KCNN1: variants seen among roughly 807,000 people sequenced by gnomAD.
KCNN1 encodes small conductance calcium-activated potassium channel protein 1.
Under a neutral mutation model 44.7 loss-of-function variants are expected in KCNN1, and 20 were observed. The observed-to-expected ratio is 0.45, with a 90% CI of 0.32 to 0.65. The LOEUF (loss-of-function observed/expected upper bound fraction) is 0.65. KCNN1 is among the 30% of genes least tolerant of loss of function. KCNN1 has a pLI of 0.05. For missense variants in KCNN1, 632 were observed against 785.3 expected (o/e 0.80, Z 2.33); for synonymous variants, 324 against 341.7 (o/e 0.95, Z 0.57).
chr19:17,982,283 C>A (rs2032445449), intron 4 of KCNN1, among the ~76,000 whole-genome samples, 156 bp downstream of exon 4: 1 of 151,964 alleles, frequency 6.6e-6, no homozygotes, highest in African/African-American at 2.4e-5. Context: ...CTCCTGTCTT[C>A]CAGTTTGTGG....
At chr19:17,986,576 G>A (rs1342983540) in intron 5 of KCNN1, among the ~76,000 whole-genome samples, 2 of 152,060 alleles carry the variant, frequency 1.3e-5, no homozygotes, top group African/African-American at 2.4e-5. Context: ...TTCAGTCATC[G>A]GGGTCCCTGT....
At chr19:17,962,693 A>G (rs2145906511), upstream of KCNN1, among the ~76,000 whole-genome samples, 1 of 149,588 alleles carries the variant, frequency 6.7e-6, no homozygotes. Context: ...GAGGGAGCCA[A>G]CACTCCAGAT....
intron 9 of KCNN1, among the ~76,000 whole-genome samples, chr19:17,994,530 CT>C (rs950199539): frequency 2.1e-4 from 31 of 147,098 alleles, no homozygotes; most frequent in East Asian, 2.0e-4. Flanking sequence ...TCATCTCCCA[CT>C]TTTTTTTTTA....
At chr19:17,959,313 CA>C (rs2031623887) in intron 2 of KCNN1, among the ~76,000 whole-genome samples, 2 of 152,064 alleles carry the variant, frequency 1.3e-5, no homozygotes, top group Non-Finnish European at 2.9e-5. Context: ...GGCTGGAATG[CA>C]ATGGTGCGTT....
At position 17,973,836 on chromosome 19, in the gene KCNN1, A is replaced by G; in HGVS notation, c.-53A>G. 6.5e-7 allele frequency: 1 copy of G among 1,536,840 alleles called. No individual in the cohort carries two copies. Among genetic ancestry groups the G allele is most frequent in the Non-Finnish European group, 8.7e-7 (1 of 1,144,622 alleles). On this transcript the variant is annotated 5_prime_UTR_variant, in exon 2 of 10. It removes an upstream start codon present in the reference 5' UTR. Transcript: ENST00000684775. The stretch of plus-strand genomic sequence containing the variant: ...AGTGCAGGAGCCCAGCCGCTGAGCC[A>G]TGCCGGGCCCCGGGCGGCCTGCAGC...
At position 17,993,376 on chromosome 19, in the gene KCNN1, C is replaced by A; in HGVS notation, c.1308-114C>A. The A allele has an allele frequency of 1.3e-6, 1 of 775,912 alleles. No individual in the cohort carries two copies. The highest frequency in any genetic ancestry group is 1.6e-5 in the South Asian group (1 of 63,940). The allele number at this position is 775,912 out of a possible 1,614,324, so 48.1% of individuals were successfully genotyped here. ...ATCGGCCTCCCAACTCCCACCTCAT[C>A]CTCTGATGCATGTCCCATAGGTGAC... On this transcript the variant is annotated intron_variant, in intron 8 of 9. Transcript: ENST00000684775. This position sits in a 1 kb window ranked among gnomAD's most constrained non-coding sequence, Gnocchi z 4.5.
At chr19:17,986,817 T>A (rs912651935) in intron 5 of KCNN1, among the ~76,000 whole-genome samples, 1 of 151,968 alleles carries the variant, frequency 6.6e-6, no homozygotes, top group Non-Finnish European at 1.5e-5. Context: ...TTTGTTTTTT[T>A]CCTCATTGAG....
chr19:17,967,715 G>C (rs1258961278), intron 1 of KCNN1, among the ~76,000 whole-genome samples: 5 of 152,012 alleles, frequency 3.3e-5, no homozygotes, highest in Non-Finnish European at 5.9e-5. Context: ...CACTCAGGGA[G>C]GGGTCAGGAA....
intron 2 of KCNN1, among the ~76,000 whole-genome samples, chr19:17,958,409 T>G (rs760259351): frequency 1.3e-5 from 2 of 151,086 alleles, no homozygotes; most frequent in Non-Finnish European, 2.9e-5. Flanking sequence ...GGACAGGAGA[T>G]CGAGGCTGCA....
At chr19:17,981,060 T>C (rs1049038374) in intron 3 of KCNN1, among the ~76,000 whole-genome samples, 3 of 150,208 alleles carry the variant, frequency 2.0e-5, no homozygotes, top group Non-Finnish European at 4.4e-5. Context: ...CTACTAAAAA[T>C]ACAAAAATTA....
At position 17,975,140 on chromosome 19, in the gene KCNN1, G is replaced by A. The variant is rs1365594917; in HGVS notation, c.451G>A (p.Ala151Thr). Reference sequence around the variant, plus strand: ...CAAATGCCTCATCAGCCTCTCCACGGCCATCCTGCTGGGTCTCGTTGTCCT... The same window carrying A: ...CAAATGCCTCATCAGCCTCTCCACGACCATCCTGCTGGGTCTCGTTGTCCT... ...ALKCLISLST[A>T]ILLGLVVLYH... Residue 151 changes from alanine to threonine, a missense_variant, in exon 3 of 10, where the codon GCC (alanine) becomes ACC (threonine). Physicochemically the swap from Ala to Thr is moderately conservative, Grantham distance 58. Around this residue, in one of 3 missense-constraint regions of KCNN1, gnomAD observed 235 missense variants for 224.0 expected, o/e 1.05. Coordinates refer to ENST00000684775, the MANE Select transcript of KCNN1 (RefSeq NM_001386974.1). 3 of 1,613,438 alleles carry A rather than the reference G, an allele frequency of 1.9e-6. No homozygotes were observed. Among genetic ancestry groups the A allele is most frequent in the Non-Finnish European group, 2.5e-6 (3 of 1,179,758 alleles).
chr19:17,984,767 G>T (rs1312866258), intron 4 of KCNN1, among the ~76,000 whole-genome samples: 2 of 152,082 alleles, frequency 1.3e-5, no homozygotes, highest in Non-Finnish European at 2.9e-5. Context: ...CAGTGCCAAA[G>T]CCGATGCCCC....
chr19:17,973,434 C>T (rs1239900165), intron 1 of KCNN1, among the ~76,000 whole-genome samples: 1 of 152,234 alleles, frequency 6.6e-6, no homozygotes, highest in Non-Finnish European at 1.5e-5. Context: ...GCATGCACCA[C>T]TACGCCTGGC....
intron 4 of KCNN1, among the ~76,000 whole-genome samples, chr19:17,985,049 G>C (rs1401107857): frequency 6.6e-6 from 1 of 152,118 alleles, no homozygotes; most frequent in African/African-American, 2.4e-5. Context: ...CTGTCGTTGG[G>C]AGGGGGATTG....
chr19:17,995,428 C>A (rs1350499781), intron 9 of KCNN1, among the ~76,000 whole-genome samples: 2 of 151,916 alleles, frequency 1.3e-5, no homozygotes, highest in Non-Finnish European at 2.9e-5. Context: ...CCCGCCTTGG[C>A]CTCCCAAAGT....
intron 1 of KCNN1, 104 bp from the exon 2 acceptor site, chr19:17,973,704 G>A (rs904223509): frequency 2.1e-5 from 28 of 1,343,648 alleles, no homozygotes; most frequent in Middle Eastern, 2.7e-4. Context: ...AGCACTCTGG[G>A]CCACTCCCAA....
At chr19:17,964,600 G>A (rs1329489111), upstream of KCNN1, among the ~76,000 whole-genome samples, 1 of 152,212 alleles carries the variant, frequency 6.6e-6, no homozygotes, top group Non-Finnish European at 1.5e-5. The surrounding 1 kb of genome is among the most constrained non-coding windows in gnomAD (Gnocchi z 4.3). Context: ...GCCAACCATG[G>A]GCTGATGAGA....
Position 17,981,864 on chromosome 19 carries a change from G to A in KCNN1, c.654G>A (p.Ala218=), listed in dbSNP as rs371311512. The part of the protein sequence containing the change: ...TWTARLAFTY[A]PSVAEADVDV... ...CGGCGCGGCTGGCCTTCACGTACGC[G>A]CCCTCGGTGGCCGAGGCCGACGTGG... is the stretch of plus-strand genomic sequence containing the variant. Residue 218 remains alanine, a synonymous_variant, in exon 4 of 10, where the codon GCG becomes GCA. Transcript: ENST00000684775. The A allele has an allele frequency of 2.5e-6, 4 of 1,612,210 alleles. No homozygotes were observed. Among genetic ancestry groups the A allele is most frequent in the East Asian group, 2.2e-5 (1 of 44,840 alleles).
chr19:17,981,639 G>A (rs1263469315), intron 3 of KCNN1, 70 bp from the exon 4 acceptor site: 7 of 1,394,512 alleles, frequency 5.0e-6, no homozygotes, highest in Non-Finnish European at 5.8e-6. Flanking sequence ...CTCTGGGGGC[G>A]CGGTGGGGCT....
Sources: allele counts gnomAD v4.1 joint callset (sites outside exome capture counted in the v4.1 genomes callset), GRCh38; gene constraint gnomAD v4.1.1; regional missense constraint gnomAD v4.1.1; non-coding constraint Gnocchi (gnomAD v3.1); transcripts MANE v1.5; gene names NCBI Gene and HGNC (gene_info 2026-07-23, HGNC 2026-07-21).